GABRG2: variants seen among roughly 807,000 people sequenced by gnomAD.
The protein encoded by GABRG2 is gamma-aminobutyric acid type A receptor subunit gamma2.
Under a neutral mutation model 56.4 loss-of-function variants are expected in GABRG2, and 16 were observed. That is an observed-to-expected ratio of 0.28 (90% CI 0.19 to 0.43). The LOEUF is 0.43. Ranked by LOEUF, GABRG2 falls within the 20% of genes least tolerant of loss-of-function variation. The probability of loss-of-function intolerance (pLI) is 1.00; values close to 1 mark genes in which losing one functional copy is unlikely to be tolerated. For missense variants in GABRG2, 327 were observed against 582.7 expected, an observed-to-expected ratio of 0.56 and a Z score of 4.52; for synonymous variants, 208 against 205.5, an observed-to-expected ratio of 1.01 and a Z score of -0.10.
At chr5:162,097,162 C>T (rs2113320921) in intron 3 of GABRG2, among the ~76,000 whole-genome samples, 1 of 152,210 alleles carries the variant, frequency 6.6e-6, no homozygotes, top group East Asian at 1.9e-4. Flanking sequence ...ATCTGAACTT[C>T]TTTTTCCCTC....
intron 3 of GABRG2, 63 bp from the exon 4 acceptor site, chr5:162,097,575 C>T: frequency 1.7e-6 from 2 of 1,206,092 alleles, no homozygotes; most frequent in Non-Finnish European, 2.4e-6. Flanking sequence ...ATGAAATATA[C>T]CAATATTTAA....
chr5:162,114,384 T>G (rs965371371), intron 6 of GABRG2, among the ~76,000 whole-genome samples: 2 of 152,104 alleles, frequency 1.3e-5, no homozygotes, highest in African/African-American at 4.8e-5. Context: ...CATATGTATC[T>G]GTAGAGATGA....
At chr5:162,098,204 G>T in intron 4 of GABRG2, 1 of 270,748 alleles carries the variant, frequency 3.7e-6, no homozygotes, top group African/African-American at 2.3e-5. Flanking sequence ...TCATTTCCAA[G>T]GAAATAGTTG....
chr5:162,097,769 A>G lies in GABRG2; in HGVS notation c.459A>G (p.Arg153=). The change falls in exon 4 of 10, where the codon AGA becomes AGG. Residue 153 remains arginine (R), a synonymous_variant. Transcript: ENST00000639213. ...GKIWIPDTFF[R]NSKKADAHWI... is the part of the protein sequence containing the mutation. ...TCTGGATTCCAGACACTTTCTTCAG[A>G]AATTCCAAAAAAGCTGATGCACACT... is the stretch of plus-strand genomic sequence containing the variant. 1 of 1,613,932 alleles carries G rather than the reference A, an allele frequency of 6.2e-7. No homozygotes were observed. The highest frequency in any genetic ancestry group is 8.5e-7 in the Non-Finnish European group (1 of 1,179,914).
At chr5:162,079,804 A>T (rs1226901244) in intron 1 of GABRG2, among the ~76,000 whole-genome samples, 9 of 151,928 alleles carry the variant, frequency 5.9e-5, no homozygotes, top group Non-Finnish European at 1.2e-4. Context: ...TTTTATTGAG[A>T]CAGGGTCTCA....
At chr5:162,078,526 C>T (rs571185352) in intron 1 of GABRG2, among the ~76,000 whole-genome samples, 1 of 147,348 alleles carries the variant, frequency 6.8e-6, no homozygotes, top group Non-Finnish European at 1.5e-5. Context: ...CCACTTCAGC[C>T]TCCTGAGTAT....
At position 162,098,047 on chromosome 5, in the gene GABRG2, T is replaced by G. The variant is rs76029468; in HGVS notation, c.548+189T>G. On this transcript the variant is annotated intron_variant, in intron 4 of 9. Coordinates refer to ENST00000639213, the MANE Select transcript of GABRG2 (RefSeq NM_198904.4). The stretch of plus-strand genomic sequence containing the variant: ...TTTCTTTTTGTTATCAATGAGCTTT[T>G]TCAAAGCACTAATTATAGGCAAAGC... 30,274 of 600,684 alleles carry G rather than the reference T, an allele frequency of 0.05. 964 individuals carry two copies. Among genetic ancestry groups the G allele is most frequent in the Non-Finnish European group, 0.068 (23,127 of 341,668 alleles). 37.2% of individuals were successfully genotyped at this position (600,684 alleles called of 1,614,324 possible). A position where few individuals can be genotyped will look rare whatever the true frequency, so the allele number is the denominator to read the frequency against.
At chr5:162,103,616 G>C (rs1761595882) in intron 5 of GABRG2, 1 of 452,822 alleles carries the variant, frequency 2.2e-6, no homozygotes, top group Admixed American at 3.4e-5. Flanking sequence ...TATGCATATG[G>C]CATATATAAA....
In GABRG2 at chr5:162,103,901, G is replaced by C. The variant is rs1561645172; in HGVS notation, c.644G>C (p.Arg215Pro). The stretch of plus-strand genomic sequence containing the variant: ...TATCTCACGGCAGATGGCTATCCAC[G>C]TGAAGAAATTGTTTATCAATGGAAG... ...PLEFSSYGYP[R>P]EEIVYQWKRS... Residue 215 changes from arginine (R) to proline (P), a missense_variant, in exon 6 of 10, where the codon CGT becomes CCT. Physicochemically the swap from Arg to Pro is moderately radical, Grantham distance 103. Transcript: ENST00000639213. 6.2e-7 allele frequency: 1 copy of C among 1,613,902 alleles called. No individual in the cohort carries two copies. Among genetic ancestry groups the C allele is most frequent in the African/African-American group, 1.3e-5 (1 of 75,026 alleles).
chr5:162,112,890 C>T (rs1328017837), intron 6 of GABRG2, among the ~76,000 whole-genome samples: 3 of 152,038 alleles, frequency 2.0e-5, no homozygotes, highest in Non-Finnish European at 4.4e-5. Flanking sequence ...AAAGGATTGA[C>T]CAATATGTTA....
intron 3 of GABRG2, 105 bp from the exon 4 acceptor site, chr5:162,097,533 A>G (rs1761086968): frequency 1.1e-5 from 10 of 890,260 alleles, no homozygotes; most frequent in South Asian, 1.0e-4. Flanking sequence ...AAGCCAAGAT[A>G]GCTTTGCTTC....
chr5:162,134,274 G>A (rs887159967), intron 6 of GABRG2, among the ~76,000 whole-genome samples: 4 of 152,098 alleles, frequency 2.6e-5, no homozygotes, highest in African/African-American at 9.7e-5. Context: ...TCTTTAAGAG[G>A]ATAGAATTGG....
At chr5:162,112,543 G>T (rs1762326742) in intron 6 of GABRG2, among the ~76,000 whole-genome samples, 1 of 152,016 alleles carries the variant, frequency 6.6e-6, no homozygotes, top group Non-Finnish European at 1.5e-5. Flanking sequence ...TCTTATTCTT[G>T]CAGTTTCAGA....
chr5:162,145,949 G>T (rs1708053740), intron 7 of GABRG2, among the ~76,000 whole-genome samples: 1 of 152,114 alleles, frequency 6.6e-6, no homozygotes, highest in Admixed American at 6.5e-5. Flanking sequence ...TTAAGAAATA[G>T]AACTTTCTTT....
chr5:162,079,868 C>T (rs904579981), intron 1 of GABRG2, among the ~76,000 whole-genome samples: 2 of 152,128 alleles, frequency 1.3e-5, no homozygotes, highest in Non-Finnish European at 2.9e-5. Context: ...CAGCCTCTGT[C>T]TCCTGGGTTC....
At chr5:162,132,127 C>A (rs1406735581) in intron 6 of GABRG2, among the ~76,000 whole-genome samples, 1 of 150,134 alleles carries the variant, frequency 6.7e-6, no homozygotes, top group East Asian at 1.9e-4. Context: ...CTCTATTTTA[C>A]AAAATAGGAA....
At chr5:162,089,292 A>C (rs567090468) in intron 1 of GABRG2, among the ~76,000 whole-genome samples, 14 of 152,200 alleles carry the variant, frequency 9.2e-5, no homozygotes, top group African/African-American at 3.1e-4. Context: ...TGTATTAATG[A>C]TACTTTTGGG....
At chr5:162,109,208 C>T (rs1165200384) in intron 6 of GABRG2, among the ~76,000 whole-genome samples, 1 of 151,122 alleles carries the variant, frequency 6.6e-6, no homozygotes, top group East Asian at 2.0e-4. Flanking sequence ...CACTTGGACA[C>T]AGGAAGGGGA....
intron 1 of GABRG2, among the ~76,000 whole-genome samples, chr5:162,079,797 T>A (rs1581309297): frequency 6.6e-6 from 1 of 152,262 alleles, no homozygotes; most frequent in East Asian, 1.9e-4. Context: ...TACTTATTTT[T>A]ATTGAGACAG....
Sources: gnomAD v4.1 joint callset for allele counts (sites outside exome capture counted in the v4.1 genomes callset) on GRCh38, gnomAD v4.1.1 for gene constraint, MANE v1.5 for transcripts, NCBI Gene and HGNC (gene_info 2026-07-23, HGNC 2026-07-21) for gene names.